EXOC5: variants seen among roughly 807,000 people sequenced by gnomAD.
EXOC5 encodes the protein SEC10-like 1.
A neutral mutation model predicts 90.8 loss-of-function variants in EXOC5; 17 were observed. The ratio of observed to expected loss-of-function variants is 0.19; its 90% CI spans 0.13 to 0.28. The LOEUF (loss-of-function observed/expected upper bound fraction) is 0.28, where lower values mean the gene tolerates loss of function less well. Ranked by LOEUF, EXOC5 falls within the 10% of genes least tolerant of loss-of-function variation. The pLI is 1.00. For missense variants in EXOC5, 569 were observed against 830.6 expected, an observed-to-expected ratio of 0.69 and a Z score of 3.87; for synonymous variants, 260 against 270.0, an observed-to-expected ratio of 0.96 and a Z score of 0.36.
Position 57,209,867 on chromosome 14 carries a change from G to C in EXOC5, c.1723-85C>G, listed in dbSNP as rs1267001385. ...AATACAGTTTCTCATTAATCTTTAAGTATAAAAGAAAAAAATCTAGGGCAC... is the reference window on the plus strand; with the variant it reads ...AATACAGTTTCTCATTAATCTTTAACTATAAAAGAAAAAAATCTAGGGCAC... On this transcript the variant is annotated intron_variant, in intron 16 of 17. Transcript: ENST00000621441. 1.6e-5 allele frequency: 20 copies of C among 1,240,956 alleles called. No homozygotes were observed. In the South Asian group the frequency reaches 2.6e-4, roughly 16 times the overall value. The allele number at this position is 1,240,956 out of a possible 1,614,324, so 76.9% of individuals were successfully genotyped here. A position where few individuals can be genotyped will look rare whatever the true frequency, so the allele number is the denominator to read the frequency against.
rs1197146399 is a variant in EXOC5, at chr14:57,203,451, C to T, written c.*5158G>A. ...AATTCCTTTGTTAGTTCTATCCAAACTTCACTTAGTTTATTAACATAAAGA... is the reference window on the plus strand; with the variant it reads ...AATTCCTTTGTTAGTTCTATCCAAATTTCACTTAGTTTATTAACATAAAGA... On this transcript the variant is annotated 3_prime_UTR_variant, in exon 18 of 18. Transcript: ENST00000621441. The T allele has an allele frequency of 6.6e-6, 1 of 152,390 alleles. No individual in the cohort carries two copies. Among genetic ancestry groups the T allele is most frequent in the Admixed American group, 6.6e-5 (1 of 15,256 alleles). The allele number at this position is 152,390 out of a possible 1,614,324, so 9.4% of individuals were successfully genotyped here.
rs548385777 is a variant in EXOC5, at chr14:57,203,384, A to G, written c.*5225T>C. 1.3e-5 allele frequency: 2 copies of G among 152,374 alleles called. No individual in the cohort carries two copies. The highest frequency in any genetic ancestry group is 4.1e-4 in the South Asian group (2 of 4,830). 9.4% of individuals were successfully genotyped at this position (152,374 alleles called of 1,614,324 possible). ...GCATCAGGAAGGCTTCTCACCTCTC[A>G]AAGTTTAATCTCAAAACTCTGGAAG... On this transcript the variant is annotated 3_prime_UTR_variant, in exon 18 of 18. Transcript: ENST00000621441.
chr14:57,211,033 T>C (rs1167043038), intron 15 of EXOC5, among the ~76,000 whole-genome samples: 4 of 152,238 alleles, frequency 2.6e-5, no homozygotes, highest in Non-Finnish European at 5.9e-5. Context: ...TCTTAAAAGT[T>C]TCCTCTGGAA....
intron 1 of EXOC5, chr14:57,268,240 G>A (rs1163906668): frequency 6.3e-6 from 2 of 315,300 alleles, no homozygotes; most frequent in East Asian, 7.8e-5. Context: ...GACAAGACTC[G>A]CCCAACCTGA....
intron 1 of EXOC5, among the ~76,000 whole-genome samples, chr14:57,259,435 A>G (rs1884437304): frequency 6.6e-6 from 1 of 152,044 alleles, no homozygotes; most frequent in Non-Finnish European, 1.5e-5. Context: ...TAGGGTTCTT[A>G]TCTTGTACCA....
chr14:57,230,873 C>T (rs1370115927), intron 11 of EXOC5, among the ~76,000 whole-genome samples: 1 of 150,304 alleles, frequency 6.7e-6, no homozygotes, highest in Admixed American at 6.6e-5. Flanking sequence ...AAAAAAGATG[C>T]GTTTCCTGGT....
chr14:57,226,784 T>C (rs1883320926), intron 12 of EXOC5, among the ~76,000 whole-genome samples: 1 of 152,188 alleles, frequency 6.6e-6, no homozygotes, highest in South Asian at 2.1e-4. Context: ...GATGCCTAAT[T>C]GTAAAATTAT....
chr14:57,229,008 TAG>T (rs560440168), intron 12 of EXOC5, among the ~76,000 whole-genome samples: 287 of 152,170 alleles, frequency 1.9e-3, no homozygotes, highest in African/African-American at 6.2e-3. Context: ...CTGTGTTTAT[TAG>T]AGAGGAAAAT....
At chr14:57,264,699 T>TC (rs1884618671) in intron 1 of EXOC5, among the ~76,000 whole-genome samples, 1 of 152,164 alleles carries the variant, frequency 6.6e-6, no homozygotes, top group South Asian at 2.1e-4. Flanking sequence ...GAAAAGTCCC[T>TC]CCATCCAGTT....
chr14:57,229,838 G>A lies in EXOC5; in HGVS notation c.1192C>T (p.Pro398Ser). 1.3e-6 allele frequency: 2 copies of A among 1,522,344 alleles called. No individual in the cohort carries two copies. Among genetic ancestry groups the A allele is most frequent in the Non-Finnish European group, 1.8e-6 (2 of 1,126,228 alleles). 94.3% of individuals were successfully genotyped at this position (1,522,344 alleles called of 1,614,324 possible). Residue 398 changes from proline to serine, a missense_variant, in exon 12 of 18, where the codon CCA (proline) becomes TCA (serine). Pro to Ser is a moderately conservative substitution (Grantham distance 74). This residue lies in a region of EXOC5 where 69 missense variants were observed against 115.5 expected (regional missense o/e 0.60). Transcript: ENST00000621441. ...KERIRQRTNL[P>S]LGPSIDTHGE... Reference sequence around the variant, plus strand: ...TGAGTATCGATACTTGGCCCAAGTGGTAAGTTGGTACGCTGTCTAATTCTT... The same window carrying A: ...TGAGTATCGATACTTGGCCCAAGTGATAAGTTGGTACGCTGTCTAATTCTT...
At chr14:57,265,462 C>A (rs934054915) in intron 1 of EXOC5, among the ~76,000 whole-genome samples, 3 of 152,126 alleles carry the variant, frequency 2.0e-5, no homozygotes, top group Non-Finnish European at 2.9e-5. Flanking sequence ...GTGGCTCACA[C>A]CTGTAATCCC....
At chr14:57,221,100 G>A (rs1883124558) in intron 13 of EXOC5, among the ~76,000 whole-genome samples, 1 of 152,114 alleles carries the variant, frequency 6.6e-6, no homozygotes, top group Non-Finnish European at 1.5e-5. Context: ...GGGAGAAGAG[G>A]GCTACTTTAG....
chr14:57,226,230 T>C (rs954665810), intron 12 of EXOC5, among the ~76,000 whole-genome samples: 7 of 152,162 alleles, frequency 4.6e-5, no homozygotes, highest in Non-Finnish European at 7.4e-5. Flanking sequence ...AGGAATAAAA[T>C]GGGAGGCAGG....
At chr14:57,250,361 A>G (rs954355097) in intron 1 of EXOC5, among the ~76,000 whole-genome samples, 2 of 152,184 alleles carry the variant, frequency 1.3e-5, no homozygotes, top group Non-Finnish European at 2.9e-5. Context: ...TTGACTGAAG[A>G]AAAGGCCAGG....
intron 6 of EXOC5, among the ~76,000 whole-genome samples, chr14:57,236,335 A>G (rs1321619532): frequency 6.7e-6 from 1 of 150,314 alleles, no homozygotes; most frequent in African/African-American, 2.5e-5. Flanking sequence ...CACCCAGTCA[A>G]AGTGCAGTGG....
chr14:57,232,687 AT>A lies in EXOC5; in HGVS notation c.917del (p.Asn306IlefsTer16). 6.7e-7 allele frequency: 1 copy of A among 1,489,360 alleles called. No homozygotes were observed. The highest frequency in any genetic ancestry group is 9.2e-7 in the Non-Finnish European group (1 of 1,086,360). The allele number at this position is 1,489,360 out of a possible 1,614,324, so 92.3% of individuals were successfully genotyped here. A position where few individuals can be genotyped will look rare whatever the true frequency, so the allele number is the denominator to read the frequency against. On this transcript the variant is annotated frameshift_variant, in exon 10 of 18. Transcript: ENST00000621441. LOFTEE classifies it high-confidence loss of function. Reference sequence around the variant, plus strand: ...TTTACCTTGTATACAGATCATAGAGATTTTTGAGATATTGCTCTGCATCGGA... The same window carrying A: ...TTTACCTTGTATACAGATCATAGAGATTTTGAGATATTGCTCTGCATCGGA... ...RKSDAEQYLKNLYDLYTRTTN... is the reference protein window; with the variant it reads ...RKSDAEQYLKXLYDLYTRTTN...
rs1178279418 is a variant in EXOC5, at chr14:57,203,676, A to G, written c.*4933T>C. ...TTTACTGACCTTTCACTGATTATAA[A>G]GTAATTTAAGTGATTTTTGAAAGTA... On this transcript the variant is annotated 3_prime_UTR_variant, in exon 18 of 18. Transcript: ENST00000621441. 1 of 152,614 alleles carries G rather than the reference A, an allele frequency of 6.6e-6. No homozygotes were observed. 9.5% of individuals were successfully genotyped at this position (152,614 alleles called of 1,614,324 possible).
intron 1 of EXOC5, among the ~76,000 whole-genome samples, chr14:57,262,282 TA>T: frequency 6.6e-6 from 1 of 152,128 alleles, no homozygotes. Flanking sequence ...TAGATACCAT[TA>T]TTTCCCCCAT....
chr14:57,245,092 G>A (rs141883198), intron 3 of EXOC5, among the ~76,000 whole-genome samples: 30 of 151,936 alleles, frequency 2.0e-4, no homozygotes, highest in African/African-American at 6.5e-4. Flanking sequence ...TTCTTTCCCA[G>A]TTTTGAAAAC....
Sources: allele counts gnomAD v4.1 joint callset (sites outside exome capture counted in the v4.1 genomes callset), GRCh38; gene constraint gnomAD v4.1.1; regional missense constraint gnomAD v4.1.1; transcripts MANE v1.5; gene names NCBI Gene and HGNC (gene_info 2026-07-23, HGNC 2026-07-21).